Variants in EXT1 observed in about 807,000 individuals in gnomAD.
The protein encoded by EXT1 is exostosin-1.
In EXT1, 20 loss-of-function variants were observed where a neutral mutation model predicts 82.5. That is an observed-to-expected ratio of 0.24 (90% CI 0.17 to 0.35). The LOEUF (loss-of-function observed/expected upper bound fraction) is 0.35. EXT1 is among the 10% of genes least tolerant of loss of function. EXT1 has a pLI of 1.00. For missense variants in EXT1, 757 were observed against 936.5 expected (o/e 0.81, Z 2.50); for synonymous variants, 348 against 350.8 (o/e 0.99, Z 0.09).
At chr8:117,905,739 G>A (rs1813531887) in intron 1 of EXT1, among the ~76,000 whole-genome samples, 1 of 152,214 alleles carries the variant, frequency 6.6e-6, no homozygotes, top group Admixed American at 6.5e-5. Context: ...GTGAACCCGG[G>A]AGGCGGAGCT....
At chr8:117,861,488 C>CTTTTTTTTTTTTTT (rs755653091) in intron 1 of EXT1, among the ~76,000 whole-genome samples, 2 of 86,850 alleles carry the variant, frequency 2.3e-5, no homozygotes, top group African/African-American at 4.3e-5. Context: ...AAGTTTTTAT[C>CTTTTTTTTTTTTTT]TTTTTTTTTT....
chr8:118,000,403 C>T (rs895336941), intron 1 of EXT1, among the ~76,000 whole-genome samples: 2 of 152,168 alleles, frequency 1.3e-5, no homozygotes, highest in African/African-American at 2.4e-5. Context: ...TGCAGCCACC[C>T]CAAATAAGCT....
chr8:118,046,913 A>G (rs907443440), intron 1 of EXT1, among the ~76,000 whole-genome samples: 1 of 152,150 alleles, frequency 6.6e-6, no homozygotes, highest in African/African-American at 2.4e-5. Flanking sequence ...ATTCACCAAG[A>G]CTTCCTGAAA....
chr8:117,804,801 A>C lies in EXT1; in HGVS notation c.1976T>G (p.Phe659Cys). The change falls in exon 10 of 11, where the codon TTC becomes TGC. Residue 659 changes from phenylalanine to cysteine, a missense_variant. Phe to Cys is a radical substitution (Grantham distance 205). This residue lies in a region of EXT1 where 128 missense variants were observed against 223.2 expected (regional missense o/e 0.57). Coordinates refer to ENST00000378204, the MANE Select transcript of EXT1 (RefSeq NM_000127.3). ...CAATTTTGTCACAGCAGACACCAGG[A>C]AGTTCATGAGAATGTCCTCACAATT... ...LANCEDILMN[F>C]LVSAVTKLPP... The C allele has an allele frequency of 1.2e-6, 2 of 1,614,156 alleles. No individual in the cohort carries two copies. The highest frequency in any genetic ancestry group is 1.7e-6 in the Non-Finnish European group (2 of 1,179,988).
chr8:117,872,958 A>G (rs1812900141), intron 1 of EXT1, among the ~76,000 whole-genome samples: 1 of 152,228 alleles, frequency 6.6e-6, no homozygotes, highest in Non-Finnish European at 1.5e-5. Context: ...GAGTGTTAGT[A>G]TTTGCTATGG....
chr8:117,930,022 T>C (rs1226470471), intron 1 of EXT1, among the ~76,000 whole-genome samples: 1 of 152,072 alleles, frequency 6.6e-6, no homozygotes, highest in African/African-American at 2.4e-5. Flanking sequence ...GCAGACTTGC[T>C]TGAACCTGGG....
intron 1 of EXT1, among the ~76,000 whole-genome samples, chr8:118,094,854 G>A (rs1203265256): frequency 6.6e-6 from 1 of 152,128 alleles, no homozygotes; most frequent in Non-Finnish European, 1.5e-5. Flanking sequence ...CAACCTCCCT[G>A]GATCTCTACT....
At chr8:118,092,594 G>A (rs879640551) in intron 1 of EXT1, among the ~76,000 whole-genome samples, 2 of 152,172 alleles carry the variant, frequency 1.3e-5, no homozygotes, top group Non-Finnish European at 2.9e-5. Flanking sequence ...TAAGGAGGAC[G>A]ATCCAAGCCT....
chr8:118,006,710 T>C (rs1346369926), intron 1 of EXT1, among the ~76,000 whole-genome samples: 1 of 152,194 alleles, frequency 6.6e-6, no homozygotes, highest in Non-Finnish European at 1.5e-5. Flanking sequence ...TGAAAAAATA[T>C]TCACATTTTT....
intron 1 of EXT1, among the ~76,000 whole-genome samples, chr8:117,873,135 C>T (rs756441475): frequency 1.3e-5 from 2 of 152,244 alleles, no homozygotes; most frequent in East Asian, 1.9e-4. Context: ...CATGAGAATA[C>T]GATGACAAGC....
intron 1 of EXT1, among the ~76,000 whole-genome samples, chr8:117,982,272 C>T (rs1815224520): frequency 6.6e-6 from 1 of 152,102 alleles, no homozygotes; most frequent in Admixed American, 6.5e-5. Flanking sequence ...TCCTTCCTGC[C>T]CATCAGTCAG....
intron 1 of EXT1, among the ~76,000 whole-genome samples, chr8:117,846,791 G>A (rs375422130): frequency 2.0e-5 from 3 of 152,128 alleles, no homozygotes; most frequent in African/African-American, 7.2e-5. Context: ...GGATAGGGGT[G>A]GGCAGCGCAG....
intron 1 of EXT1, among the ~76,000 whole-genome samples, chr8:118,049,277 A>G (rs2129920050): frequency 6.6e-6 from 1 of 152,378 alleles, no homozygotes; most frequent in East Asian, 1.9e-4. Flanking sequence ...ATAAGCACAT[A>G]GCATCAGCAT....
intron 5 of EXT1, among the ~76,000 whole-genome samples, chr8:117,822,115 A>T (rs1811934402): frequency 6.6e-6 from 1 of 152,138 alleles, no homozygotes; most frequent in Non-Finnish European, 1.5e-5. Context: ...TGTGAAAAAA[A>T]AAATTGGGGA....
At chr8:117,916,849 T>C (rs1813763203) in intron 1 of EXT1, among the ~76,000 whole-genome samples, 1 of 152,006 alleles carries the variant, frequency 6.6e-6, no homozygotes, top group African/African-American at 2.4e-5. Context: ...AGAGGTTGCC[T>C]TAAGCCAAGA....
At chr8:117,843,735 AC>A (rs1204177377) in intron 1 of EXT1, among the ~76,000 whole-genome samples, 1 of 152,080 alleles carries the variant, frequency 6.6e-6, no homozygotes, top group Admixed American at 6.5e-5. Flanking sequence ...ACTTCATATA[AC>A]CCAATTTCAT....
In EXT1 at chr8:118,111,520, CCAA is replaced by C; in HGVS notation, c.-477_-475del. The C allele has an allele frequency of 2.2e-6, 1 of 456,046 alleles. No homozygotes were observed. The highest frequency in any genetic ancestry group is 2.0e-5 in the African/African-American group (1 of 50,388). 28.2% of individuals were successfully genotyped at this position (456,046 alleles called of 1,614,324 possible). A position where few individuals can be genotyped will look rare whatever the true frequency, so the allele number is the denominator to read the frequency against. Reference sequence around the variant, plus strand: ...ACTCTCCGTGCAGAGCACTCCGGTTCCAACAAGTCAGCCGATCCCGGGTTCAGC... The same window carrying C: ...ACTCTCCGTGCAGAGCACTCCGGTTCCAAGTCAGCCGATCCCGGGTTCAGC... On this transcript the variant is annotated 5_prime_UTR_variant, in exon 1 of 11. Transcript: ENST00000378204.
chr8:117,991,931 C>G (rs1281267735), intron 1 of EXT1, among the ~76,000 whole-genome samples: 1 of 152,182 alleles, frequency 6.6e-6, no homozygotes, highest in African/African-American at 2.4e-5. Flanking sequence ...TGTCATACAG[C>G]AGGGCACTGA....
At chr8:118,045,128 C>T (rs1057177754) in intron 1 of EXT1, among the ~76,000 whole-genome samples, 2 of 152,210 alleles carry the variant, frequency 1.3e-5, no homozygotes, top group Non-Finnish European at 2.9e-5. Flanking sequence ...AGAGTAGGAA[C>T]AGTCCTTGCC....
Sources: allele counts gnomAD v4.1 joint callset (sites outside exome capture counted in the v4.1 genomes callset), GRCh38; gene constraint gnomAD v4.1.1; regional missense constraint gnomAD v4.1.1; transcripts MANE v1.5; gene names NCBI Gene and HGNC (gene_info 2026-07-23, HGNC 2026-07-21).